CEP192: variants seen among roughly 807,000 people sequenced by gnomAD.
CEP192 encodes the protein centrosomal protein 192.
A neutral mutation model predicts 271.8 loss-of-function variants in CEP192; 151 were observed. The observed-to-expected ratio is 0.56, with a 90% CI of 0.49 to 0.64. The LOEUF is 0.64. Ranked by LOEUF, CEP192 falls within the 30% of genes least tolerant of loss-of-function variation. CEP192 has a pLI of 0.00. For missense variants in CEP192, 2,910 were observed against 3,020.5 expected, an observed-to-expected ratio of 0.96 and a Z score of 0.86; for synonymous variants, 995 against 1,076.5, an observed-to-expected ratio of 0.92 and a Z score of 1.48.
chr18:13,061,782 G>A (rs2037421324), intron 21 of CEP192, among the ~76,000 whole-genome samples: 1 of 152,162 alleles, frequency 6.6e-6, no homozygotes, highest in Non-Finnish European at 1.5e-5. Flanking sequence ...GTGCAGTGTA[G>A]GATGTTTAGC....
chr18:13,067,777 T>G (rs2037788728), intron 21 of CEP192, 54 bp from the exon 22 acceptor site: 5 of 1,470,094 alleles, frequency 3.4e-6, no homozygotes, highest in Non-Finnish European at 4.7e-6. Flanking sequence ...AACATACATG[T>G]TGTGCTATTA....
intron 21 of CEP192, among the ~76,000 whole-genome samples, chr18:13,060,054 T>A (rs573165450): frequency 6.6e-6 from 1 of 152,342 alleles, no homozygotes; most frequent in African/African-American, 2.4e-5. Context: ...AGAACAGGTC[T>A]TGATACAGTC....
chr18:12,993,771 A>G (rs941643567), intron 1 of CEP192, among the ~76,000 whole-genome samples: 2 of 152,142 alleles, frequency 1.3e-5, no homozygotes, highest in Non-Finnish European at 2.9e-5. Flanking sequence ...AGTTTCCTCA[A>G]TAATAGGGAT....
intron 30 of CEP192, among the ~76,000 whole-genome samples, chr18:13,081,577 A>C (rs1228001499): frequency 2.0e-5 from 3 of 152,060 alleles, no homozygotes; most frequent in Non-Finnish European, 4.4e-5. Context: ...TGATCTTTTC[A>C]AAAAACCAGC....
At chr18:13,082,126 T>TGGGTG (rs2038643884) in intron 30 of CEP192, among the ~76,000 whole-genome samples, 1 of 152,230 alleles carries the variant, frequency 6.6e-6, no homozygotes, top group Non-Finnish European at 1.5e-5. Flanking sequence ...TAGGTCCTCT[T>TGGGTG]GGTGCAGAGC....
At position 13,058,683 on chromosome 18, in the gene CEP192, G is replaced by A. The variant is rs142632443; in HGVS notation, c.4258-399G>A. 16 of 176,256 alleles carry A rather than the reference G, an allele frequency of 9.1e-5. No individual in the cohort carries two copies. The East Asian group carries it at 2.2e-3, about 24-fold the overall frequency. The allele number at this position is 176,256 out of a possible 1,614,324, so 10.9% of individuals were successfully genotyped here. A position where few individuals can be genotyped will look rare whatever the true frequency, so the allele number is the denominator to read the frequency against. On this transcript the variant is annotated intron_variant, in intron 20 of 44. Coordinates refer to ENST00000506447, the MANE Select transcript of CEP192 (RefSeq NM_032142.4). ...CTGGAGTTGTCACTGCAGTCGAGGC[G>A]GAGTCAGGGCTGTGGGACCTCAGCG...
At chr18:13,001,197 G>T (rs1175141430) in intron 2 of CEP192, among the ~76,000 whole-genome samples, 1 of 152,004 alleles carries the variant, frequency 6.6e-6, no homozygotes, top group East Asian at 1.9e-4. Context: ...CTTGACCTTT[G>T]GGCTGAAGGG....
rs116331930 is a variant in CEP192, at chr18:13,115,461, A to C, written c.7290-916A>C. On this transcript the variant is annotated intron_variant, in intron 42 of 44. Coordinates refer to ENST00000506447, the MANE Select transcript of CEP192 (RefSeq NM_032142.4). Reference sequence around the variant, plus strand: ...GGGGGGCAAGGCCAGAGCTGGGCCTAGGAGGTGTTTGCTTTTCTGGAGAGC... The same window carrying C: ...GGGGGGCAAGGCCAGAGCTGGGCCTCGGAGGTGTTTGCTTTTCTGGAGAGC... Among the ~76,000 whole-genome samples, 1,324 of 152,248 alleles carry C rather than the reference A, an allele frequency of 8.7e-3. 31 individuals carry two copies. Among genetic ancestry groups the C allele is most frequent in the African/African-American group, 0.031 (1,269 of 41,548 alleles).
At chr18:13,019,025 A>G in intron 8 of CEP192, 57 bp from the exon 9 acceptor site, 1 of 1,426,348 alleles carries the variant, frequency 7.0e-7, no homozygotes, top group Admixed American at 2.7e-5. Flanking sequence ...ATCAGTTATT[A>G]TGTTAGATTA....
chr18:13,004,477 G>T (rs893162682), intron 3 of CEP192, among the ~76,000 whole-genome samples: 1 of 152,124 alleles, frequency 6.6e-6, no homozygotes, highest in Non-Finnish European at 1.5e-5. Flanking sequence ...AGCTGGGTAG[G>T]ACTGCGGACA....
intron 40 of CEP192, among the ~76,000 whole-genome samples, chr18:13,109,170 G>A (rs11080626): frequency 0.14 from 21,697 of 152,192 alleles, 1,697 homozygotes; most frequent in East Asian, 0.31. Context: ...TGGATTGGAT[G>A]AAGAAATGGT....
At chr18:13,114,990 C>A (rs1018548968) in intron 42 of CEP192, among the ~76,000 whole-genome samples, 2 of 152,060 alleles carry the variant, frequency 1.3e-5, no homozygotes, top group African/African-American at 2.4e-5. Context: ...CCTTAATTAA[C>A]TAGTAATTAG....
chr18:12,999,397 A>G, intron 1 of CEP192, 24 bp from the exon 2 acceptor site: 2 of 1,479,206 alleles, frequency 1.4e-6, no homozygotes, highest in Non-Finnish European at 1.8e-6. Context: ...TATGTGACCT[A>G]TAGAAATACT....
chr18:12,998,036 T>TAA (rs1329985149), intron 1 of CEP192, among the ~76,000 whole-genome samples: 13 of 152,186 alleles, frequency 8.5e-5, no homozygotes, highest in African/African-American at 3.1e-4. Context: ...CATAATCTCT[T>TAA]TAGTGGTCAT....
rs753523783 is a variant in CEP192, at chr18:13,056,335, G to A, written c.3745G>A (p.Ala1249Thr). 5 of 1,614,176 alleles carry A rather than the reference G, an allele frequency of 3.1e-6. No individual in the cohort carries two copies. Among genetic ancestry groups the A allele is most frequent in the Non-Finnish European group, 3.4e-6 (4 of 1,180,020 alleles). ...GCAGAACATGCCTGCTGCTGTGCAC[G>A]CACTCTTGACACAACCCTCTCTCAG... ...DMQNMPAAVH[A>T]LLTQPSLSAA... The change falls in exon 19 of 45, where the codon GCA becomes ACA. Residue 1249 changes from alanine to threonine, a missense_variant. By Grantham distance (58) the Ala-to-Thr change is moderately conservative. Transcript: ENST00000506447.
intron 21 of CEP192, among the ~76,000 whole-genome samples, chr18:13,060,343 A>C (rs913354069): frequency 6.6e-6 from 1 of 152,232 alleles, no homozygotes; most frequent in Non-Finnish European, 1.5e-5. Context: ...TAAAAGATTT[A>C]AAAAATGGTA....
At chr18:13,020,585 A>G (rs772496007) in intron 9 of CEP192, among the ~76,000 whole-genome samples, 4 of 152,150 alleles carry the variant, frequency 2.6e-5, no homozygotes, top group Non-Finnish European at 5.9e-5. Flanking sequence ...TTGTTTGGAT[A>G]TATATGTAGG....
intron 30 of CEP192, among the ~76,000 whole-genome samples, chr18:13,084,942 A>G (rs1010174817): frequency 6.6e-6 from 1 of 150,888 alleles, no homozygotes; most frequent in Admixed American, 6.6e-5. Context: ...GAGCCTCCCA[A>G]GTAGCTGAGA....
chr18:13,064,974 T>C (rs1308449475), intron 21 of CEP192, among the ~76,000 whole-genome samples: 2 of 152,192 alleles, frequency 1.3e-5, no homozygotes, highest in African/African-American at 2.4e-5. Flanking sequence ...TTTTATACTT[T>C]TCATTATAGA....
Sources: allele counts gnomAD v4.1 joint callset (sites outside exome capture counted in the v4.1 genomes callset), GRCh38; gene constraint gnomAD v4.1.1; transcripts MANE v1.5; gene names NCBI Gene and HGNC (gene_info 2026-07-23, HGNC 2026-07-21).